The following CTNND2 variants were observed in gnomAD, a reference collection of about 807,000 sequenced individuals.
CTNND2 encodes the protein catenin delta-2.
A neutral mutation model predicts 144.4 loss-of-function variants in CTNND2; 22 were observed. The observed-to-expected ratio is 0.15, with a 90% confidence interval of 0.11 to 0.22. The LOEUF is 0.22. CTNND2 is among the 10% of genes least tolerant of loss of function. CTNND2 has a pLI of 1.00. For synonymous variants in CTNND2, 751 were observed against 695.6 expected (o/e 1.08, Z -1.25); for missense variants, 1,353 against 1,618.8 (o/e 0.84, Z 2.82).
At chr5:11,387,710 AC>A (rs1399261528) in intron 6 of CTNND2, among the ~76,000 whole-genome samples, 3 of 152,056 alleles carry the variant, frequency 2.0e-5, no homozygotes, top group African/African-American at 7.2e-5. Flanking sequence ...CAAAACAAAA[AC>A]TTTTTGTTAT....
chr5:11,135,265 T>C (rs13165911), intron 12 of CTNND2, among the ~76,000 whole-genome samples: 2 of 152,120 alleles, frequency 1.3e-5, no homozygotes, highest in Admixed American at 6.5e-5. Context: ...AATGACTTCA[T>C]GGGGGAAAAT....
At chr5:11,748,136 T>G (rs1788414106) in intron 1 of CTNND2, among the ~76,000 whole-genome samples, 1 of 152,116 alleles carries the variant, frequency 6.6e-6, no homozygotes, top group African/African-American at 2.4e-5. Context: ...TTATACAACT[T>G]TAGTCACTAC....
chr5:11,170,610 A>AT (rs1396739273), intron 11 of CTNND2, among the ~76,000 whole-genome samples: 1 of 152,070 alleles, frequency 6.6e-6, no homozygotes, highest in Non-Finnish European at 1.5e-5. Context: ...ACACAGCTAC[A>AT]ACCTTCTGTG....
chr5:11,390,120 T>C (rs1302436665), intron 6 of CTNND2, among the ~76,000 whole-genome samples: 4 of 152,252 alleles, frequency 2.6e-5, no homozygotes, highest in African/African-American at 7.2e-5. Flanking sequence ...AGTTTGTTTT[T>C]GAAGAGCTCT....
intron 1 of CTNND2, among the ~76,000 whole-genome samples, chr5:11,769,714 A>C (rs971701533): frequency 3.9e-5 from 6 of 152,214 alleles, no homozygotes; most frequent in Admixed American, 3.9e-4. Flanking sequence ...ACACACACAT[A>C]AAATATATGC....
chr5:11,458,972 G>A (rs1313401746), intron 3 of CTNND2, among the ~76,000 whole-genome samples: 3 of 150,780 alleles, frequency 2.0e-5, no homozygotes, highest in Non-Finnish European at 4.4e-5. Flanking sequence ...ATTTTGCCAT[G>A]TTCCCCACCC....
At chr5:11,311,920 C>T (rs1750947500) in intron 9 of CTNND2, among the ~76,000 whole-genome samples, 2 of 145,322 alleles carry the variant, frequency 1.4e-5, no homozygotes, top group African/African-American at 2.6e-5. Flanking sequence ...CCACATACAT[C>T]CTCGCCCCCC....
chr5:11,805,947 T>C (rs537549807), intron 1 of CTNND2, among the ~76,000 whole-genome samples: 37 of 152,284 alleles, frequency 2.4e-4, no homozygotes, highest in African/African-American at 8.4e-4. Context: ...TGGTCAGTCA[T>C]GTCAACAGTG....
At chr5:11,450,876 C>T (rs1448981917) in intron 3 of CTNND2, among the ~76,000 whole-genome samples, 1 of 103,360 alleles carries the variant, frequency 9.7e-6, no homozygotes, top group Non-Finnish European at 1.8e-5. Flanking sequence ...CCAGCTTGGG[C>T]AACAACAGCG....
chr5:11,787,509 T>C (rs573739804), intron 1 of CTNND2, among the ~76,000 whole-genome samples: 3 of 152,354 alleles, frequency 2.0e-5, no homozygotes, highest in South Asian at 2.1e-4. Context: ...CTGCCTGCAA[T>C]TGATGTACTT....
At chr5:11,679,864 T>A (rs566792813) in intron 2 of CTNND2, among the ~76,000 whole-genome samples, 1 of 152,302 alleles carries the variant, frequency 6.6e-6, no homozygotes, top group East Asian at 1.9e-4. Context: ...GGAGGCGGCA[T>A]CCCAGTGAGG....
At chr5:11,280,981 G>A (rs114441567) in intron 9 of CTNND2, among the ~76,000 whole-genome samples, 102 of 152,152 alleles carry the variant, frequency 6.7e-4, no homozygotes, top group African/African-American at 2.4e-3. Context: ...TCAGATCAAG[G>A]TGGGGAAGAA....
intron 3 of CTNND2, among the ~76,000 whole-genome samples, chr5:11,528,644 A>G (rs1773475395): frequency 6.6e-6 from 1 of 152,190 alleles, no homozygotes; most frequent in Non-Finnish European, 1.5e-5. Context: ...ACTGGTGCCA[A>G]GCCCTGCCCA....
chr5:11,255,006 G>A (rs1484093551), intron 9 of CTNND2, among the ~76,000 whole-genome samples: 2 of 152,178 alleles, frequency 1.3e-5, no homozygotes, highest in African/African-American at 4.8e-5. Flanking sequence ...TGTCTTTGGA[G>A]TCATGCCAGA....
At chr5:11,391,805 T>G (rs954072479) in intron 6 of CTNND2, among the ~76,000 whole-genome samples, 21 of 152,190 alleles carry the variant, frequency 1.4e-4, no homozygotes, top group African/African-American at 5.1e-4. Context: ...ACCACTGGGA[T>G]CATTACTGTT....
At chr5:11,148,656 C>G (rs1757465305) in intron 12 of CTNND2, among the ~76,000 whole-genome samples, 2 of 152,342 alleles carry the variant, frequency 1.3e-5, no homozygotes, top group African/African-American at 4.8e-5. Flanking sequence ...TGCTGTCTTT[C>G]TGGGCTGCTG....
intron 16 of CTNND2, among the ~76,000 whole-genome samples, chr5:11,040,865 A>G (rs1189025997): frequency 2.6e-5 from 4 of 152,212 alleles, no homozygotes; most frequent in Non-Finnish European, 5.9e-5. Context: ...AATGATGAAA[A>G]TTTAAACTTA....
chr5:11,726,240 T>C (rs1787010547), intron 2 of CTNND2, among the ~76,000 whole-genome samples: 1 of 152,168 alleles, frequency 6.6e-6, no homozygotes, highest in South Asian at 2.1e-4. Context: ...TGAAATACAA[T>C]TATATTAAAT....
intron 1 of CTNND2, among the ~76,000 whole-genome samples, chr5:11,752,025 T>C (rs974025929): frequency 4.6e-5 from 7 of 151,898 alleles, no homozygotes; most frequent in South Asian, 2.1e-4. Context: ...GAAAAGTGTC[T>C]GTTCATGTCT....
Sources: gnomAD v4.1 joint callset for allele counts (sites outside exome capture counted in the v4.1 genomes callset) on GRCh38, gnomAD v4.1.1 for gene constraint, MANE v1.5 for transcripts, NCBI Gene and HGNC (gene_info 2026-07-23, HGNC 2026-07-21) for gene names.